Variants in FAM117B observed in about 807,000 individuals in gnomAD.
The protein encoded by FAM117B is protein FAM117B.
A neutral mutation model predicts 52.8 loss-of-function variants in FAM117B; 22 were observed. That is an observed-to-expected ratio of 0.42 (90% CI 0.30 to 0.59). The LOEUF is 0.59. Ranked by LOEUF, FAM117B falls within the 20% of genes least tolerant of loss-of-function variation. The pLI is 0.22. For synonymous variants in FAM117B, 309 were observed against 324.1 expected (o/e 0.95, Z 0.50); for missense variants, 678 against 802.6 (o/e 0.84, Z 1.88).
rs142669824 is a variant in FAM117B, at chr2:202,744,960, G to C, written c.961-10578G>C. On this transcript the variant is annotated intron_variant, in intron 4 of 7. Transcript: ENST00000392238. ...CCACTGCACTCCAGCCTGGGTGATAGAGTGAGACTCTGTCTCAAAAAAAAA... is the reference window on the plus strand; with the variant it reads ...CCACTGCACTCCAGCCTGGGTGATACAGTGAGACTCTGTCTCAAAAAAAAA... Among the ~76,000 whole-genome samples the C allele has an allele frequency of 3.7e-3, 432 of 117,166 alleles. 4 individuals carry two copies. The highest frequency in any genetic ancestry group is 0.013 in the African/African-American group (403 of 30,086). 76.9% of individuals were successfully genotyped at this position (117,166 alleles called of 152,430 possible).
At chr2:202,654,770 G>A (rs1227856979) in intron 1 of FAM117B, among the ~76,000 whole-genome samples, 1 of 151,416 alleles carries the variant, frequency 6.6e-6, no homozygotes, top group Admixed American at 6.6e-5. Context: ...CCCTCAAATA[G>A]GCGGCAAGAA....
intron 2 of FAM117B, among the ~76,000 whole-genome samples, chr2:202,707,670 G>C (rs1473719330): frequency 6.6e-6 from 1 of 151,918 alleles, no homozygotes; most frequent in East Asian, 1.9e-4. Context: ...TCGTGCTACT[G>C]TACTCCAGCC....
At chr2:202,749,963 C>A (rs1691698581) in intron 4 of FAM117B, among the ~76,000 whole-genome samples, 1 of 152,130 alleles carries the variant, frequency 6.6e-6, no homozygotes, top group African/African-American at 2.4e-5. Flanking sequence ...TCTCTTCAGG[C>A]AGCCATAACA....
At chr2:202,759,733 A>G (rs1274794350) in intron 7 of FAM117B, among the ~76,000 whole-genome samples, 1 of 151,760 alleles carries the variant, frequency 6.6e-6, no homozygotes, top group Non-Finnish European at 1.5e-5. Context: ...AATTTTTTGT[A>G]TTTTTAGTAG....
At chr2:202,682,244 G>C (rs1453319479) in intron 1 of FAM117B, among the ~76,000 whole-genome samples, 1 of 152,186 alleles carries the variant, frequency 6.6e-6, no homozygotes, top group Non-Finnish European at 1.5e-5. Context: ...CCACGAATGT[G>C]GGTGCAAAAG....
chr2:202,644,861 A>G (rs998330889), intron 1 of FAM117B, among the ~76,000 whole-genome samples: 3 of 152,210 alleles, frequency 2.0e-5, no homozygotes, highest in Admixed American at 2.0e-4. Context: ...GGTTACCACC[A>G]TTCTGAAATG....
chr2:202,732,636 T>G (rs1440567724), intron 4 of FAM117B, among the ~76,000 whole-genome samples: 1 of 151,940 alleles, frequency 6.6e-6, no homozygotes, highest in African/African-American at 2.4e-5. Context: ...CTGGCCAACA[T>G]AGTGAAACCC....
At chr2:202,710,653 C>G (rs557500038) in intron 2 of FAM117B, among the ~76,000 whole-genome samples, 2 of 152,142 alleles carry the variant, frequency 1.3e-5, no homozygotes, top group South Asian at 4.1e-4. Context: ...AATACTAGAT[C>G]TTATTCTATC....
intron 2 of FAM117B, among the ~76,000 whole-genome samples, chr2:202,703,888 T>C (rs1054207348): frequency 5.3e-5 from 8 of 152,214 alleles, no homozygotes; most frequent in Admixed American, 2.6e-4. Context: ...TTAGAGGAAC[T>C]GCCAAACTTT....
chr2:202,699,426 C>CAAAAAAAA (rs751190825), intron 2 of FAM117B, among the ~76,000 whole-genome samples: 84 of 17,714 alleles, frequency 4.7e-3, no homozygotes, highest in Non-Finnish European at 6.0e-3. Flanking sequence ...GACCCCATCT[C>CAAAAAAAA]AAAAAAAAAA....
intron 1 of FAM117B, among the ~76,000 whole-genome samples, chr2:202,678,017 T>C (rs1204707798): frequency 6.6e-6 from 1 of 152,216 alleles, no homozygotes; most frequent in Non-Finnish European, 1.5e-5. Flanking sequence ...TTTGTAGTTC[T>C]GGATGATACA....
At chr2:202,755,788 G>A in intron 5 of FAM117B, 107 bp downstream of exon 5, 2 of 1,139,810 alleles carry the variant, frequency 1.8e-6, no homozygotes, top group Non-Finnish European at 2.4e-6. Flanking sequence ...CATTGAGAGA[G>A]CAAAAATTTA....
Position 202,765,890 on chromosome 2 carries a change from G to A in FAM117B, c.*126G>A, listed in dbSNP as rs1031221032. The A allele has an allele frequency of 9.9e-6, 10 of 1,010,464 alleles. No individual in the cohort carries two copies. Among genetic ancestry groups the A allele is most frequent in the South Asian group, 3.4e-5 (2 of 58,714 alleles). 62.6% of individuals were successfully genotyped at this position (1,010,464 alleles called of 1,614,324 possible). On this transcript the variant is annotated 3_prime_UTR_variant, in exon 8 of 8. Coordinates refer to ENST00000392238, the MANE Select transcript of FAM117B (RefSeq NM_173511.4). Reference sequence around the variant, plus strand: ...CAGCTTTCCAGTGACATGTGACGGCGAGGCTTCTGGAAGAAAGGATCCCCC... The same window carrying A: ...CAGCTTTCCAGTGACATGTGACGGCAAGGCTTCTGGAAGAAAGGATCCCCC...
rs1689647897 is a variant in FAM117B, at chr2:202,635,046, C to T, written c.-142C>T. 1.8e-6 allele frequency: 2 copies of T among 1,140,644 alleles called. No individual in the cohort carries two copies. Among genetic ancestry groups the T allele is most frequent in the Non-Finnish European group, 2.2e-6 (2 of 897,868 alleles). 70.7% of individuals were successfully genotyped at this position (1,140,644 alleles called of 1,614,324 possible). Reference sequence around the variant, plus strand: ...ACCACCTCGTTGCTGCCTGCCCCGGCCCGGTCTCCCCCTGCACCCCGGAGT... The same window carrying T: ...ACCACCTCGTTGCTGCCTGCCCCGGTCCGGTCTCCCCCTGCACCCCGGAGT... On this transcript the variant is annotated 5_prime_UTR_variant, in exon 1 of 8. Coordinates refer to ENST00000392238, the MANE Select transcript of FAM117B (RefSeq NM_173511.4).
At chr2:202,715,401 C>T (rs1475844269) in intron 2 of FAM117B, among the ~76,000 whole-genome samples, 1 of 151,680 alleles carries the variant, frequency 6.6e-6, no homozygotes, top group East Asian at 1.9e-4. Context: ...CCTCACTTCT[C>T]AGACGGGGCG....
chr2:202,662,872 A>G (rs1690151896), intron 1 of FAM117B, among the ~76,000 whole-genome samples: 1 of 152,066 alleles, frequency 6.6e-6, no homozygotes, highest in Admixed American at 6.6e-5. Flanking sequence ...AAGAAATGAT[A>G]AATGTTTAAA....
At chr2:202,708,526 A>C (rs948785098) in intron 2 of FAM117B, among the ~76,000 whole-genome samples, 4 of 152,202 alleles carry the variant, frequency 2.6e-5, no homozygotes, top group African/African-American at 9.7e-5. Flanking sequence ...CGCAGTGAAC[A>C]TGTGAGTGCA....
intron 1 of FAM117B, among the ~76,000 whole-genome samples, chr2:202,689,853 G>A (rs1469048513): frequency 1.3e-5 from 2 of 152,004 alleles, no homozygotes; most frequent in Admixed American, 1.3e-4. Flanking sequence ...AGGATGGTGA[G>A]GCTGCTGTGA....
intron 4 of FAM117B, among the ~76,000 whole-genome samples, chr2:202,734,997 AT>A (rs1176548287): frequency 3.3e-5 from 5 of 151,814 alleles, no homozygotes; most frequent in Admixed American, 6.6e-5. Context: ...TATTGCTGAC[AT>A]TTTTTTTCTT....
Sources: allele counts gnomAD v4.1 joint callset (sites outside exome capture counted in the v4.1 genomes callset), GRCh38; gene constraint gnomAD v4.1.1; transcripts MANE v1.5; gene names NCBI Gene and HGNC (gene_info 2026-07-23, HGNC 2026-07-21).